Variants in PRKAR1A observed in about 807,000 individuals in gnomAD.
The protein encoded by PRKAR1A is protein kinase cAMP-dependent type I regulatory subunit alpha.
PRKAR1A carries 3 observed loss-of-function variants against 52.0 expected under a neutral mutation model. The observed-to-expected ratio is 0.06, with a 90% CI of 0.03 to 0.15. The LOEUF is 0.15. Among genes scored for constraint, PRKAR1A ranks in the 10% least tolerant of loss-of-function variants. The pLI is 1.00. For synonymous variants in PRKAR1A, 188 were observed against 168.4 expected (o/e 1.12, Z -0.90); for missense variants, 240 against 477.4 (o/e 0.50, Z 4.63).
the PRKAR1A span, among the ~76,000 whole-genome samples, chr17:68,491,770 C>A: frequency 1.3e-5 from 2 of 152,152 alleles, no homozygotes; most frequent in South Asian, 2.1e-4. Context: ...TCCCCTCCTC[C>A]CAAGTGGTGC....
chr17:68,540,046 C>T (rs1208965922), intron 11 of PRKAR1A: 38 of 1,234,700 alleles, frequency 3.1e-5, no homozygotes, highest in African/African-American at 7.4e-5. Context: ...CTCCAGGGAA[C>T]GGAGGCCTGT....
the PRKAR1A span, among the ~76,000 whole-genome samples, chr17:68,460,378 T>C: frequency 1.3e-5 from 2 of 152,216 alleles, no homozygotes; most frequent in African/African-American, 4.8e-5. Context: ...TTTTAGAAAC[T>C]AGATCTTCAG....
At chr17:68,441,613 C>T in the PRKAR1A span, among the ~76,000 whole-genome samples, 13 of 152,240 alleles carry the variant, frequency 8.5e-5, no homozygotes, top group Middle Eastern at 3.4e-3. Flanking sequence ...GTCACTGAAG[C>T]GCAGCTCTGA....
At chr17:68,426,424 G>A in the PRKAR1A span, among the ~76,000 whole-genome samples, 2 of 152,200 alleles carry the variant, frequency 1.3e-5, no homozygotes, top group South Asian at 4.1e-4. Flanking sequence ...GTTGAGGTAG[G>A]GTCTCAGTAT....
At chr17:68,521,668 T>G (rs1439759871) in intron 2 of PRKAR1A, among the ~76,000 whole-genome samples, 5 of 152,166 alleles carry the variant, frequency 3.3e-5, no homozygotes, top group Admixed American at 1.3e-4. Flanking sequence ...TTTTAAAAAG[T>G]AGGTTACATA....
At chr17:68,426,247 A>AG in the PRKAR1A span, 4,718 of 668,128 alleles carry the variant, frequency 7.1e-3, 318 homozygotes, top group African/African-American at 0.084. Flanking sequence ...GCGGGTGGGG[A>AG]GCGGGGGCTC....
chr17:68,444,900 C>G, the PRKAR1A span, among the ~76,000 whole-genome samples: 328 of 148,090 alleles, frequency 2.2e-3, 2 homozygotes, highest in Non-Finnish European at 3.8e-3. Context: ...TTCCTTAGAA[C>G]AGGGATCCTG....
the PRKAR1A span, among the ~76,000 whole-genome samples, chr17:68,498,082 G>T: frequency 6.6e-6 from 1 of 151,806 alleles, no homozygotes; most frequent in African/African-American, 2.4e-5. Flanking sequence ...AAGTAAAGGG[G>T]GGGTTAAGGG....
At chr17:68,483,844 A>G in the PRKAR1A span, among the ~76,000 whole-genome samples, 1 of 151,716 alleles carries the variant, frequency 6.6e-6, no homozygotes, top group African/African-American at 2.4e-5. Flanking sequence ...CTGGGTAACA[A>G]GAGCAAAACT....
chr17:68,429,917 G>A, the PRKAR1A span: 1 of 1,595,754 alleles, frequency 6.3e-7, no homozygotes, highest in Non-Finnish European at 8.5e-7. Context: ...TTTCTTTTCA[G>A]GTTTGGGGAT....
exon 12 of PRKAR1A, chr17:68,551,114 C>A: frequency 8.1e-7 from 1 of 1,234,300 alleles, no homozygotes; most frequent in Non-Finnish European, 1.0e-6. Context: ...AGGAGCATTC[C>A]CCTGGGCTAA....
chr17:68,529,929 G>T lies in PRKAR1A; in HGVS notation c.901G>T (p.Ala301Ser). 1 of 1,614,106 alleles carries T rather than the reference G, an allele frequency of 6.2e-7. No individual in the cohort carries two copies. The highest frequency in any genetic ancestry group is 1.1e-5 in the South Asian group (1 of 91,090). The change falls in exon 10 of 11, where the codon GCT becomes TCT. Residue 301 changes from alanine to serine, a missense_variant. By Grantham distance (99) the Ala-to-Ser change is moderately conservative. Around this residue, in one of 4 missense-constraint regions of PRKAR1A, gnomAD observed 107 missense variants for 290.9 expected, o/e 0.37. Coordinates refer to ENST00000589228, the MANE Select transcript of PRKAR1A (RefSeq NM_002734.5). ...GGTGATTTTATTATAGGGGTCAGCT[G>T]CTGTGCTACAACGTCGGTCAGAAAA... ...EFFIILEGSA[A>S]VLQRRSENEE... is the part of the protein sequence containing the mutation.
the PRKAR1A span, among the ~76,000 whole-genome samples, chr17:68,424,961 G>A: frequency 2.6e-5 from 4 of 152,252 alleles, no homozygotes; most frequent in Non-Finnish European, 5.9e-5. Flanking sequence ...AAGCTCACAA[G>A]AGCGGTCTAT....
chr17:68,549,376 C>G (rs769558520), intron 11 of PRKAR1A, among the ~76,000 whole-genome samples: 6 of 152,198 alleles, frequency 3.9e-5, no homozygotes, highest in African/African-American at 1.2e-4. Flanking sequence ...CATCTATAAT[C>G]CCAGCTACTT....
chr17:68,525,021 G>T, intron 6 of PRKAR1A, 63 bp downstream of exon 6: 3 of 1,330,928 alleles, frequency 2.3e-6, no homozygotes, highest in Non-Finnish European at 3.2e-6. Flanking sequence ...TCGCTTCCGA[G>T]CAATAAGAAT....
the PRKAR1A span, chr17:68,427,471 C>G: frequency 2.8e-6 from 1 of 351,722 alleles, no homozygotes; most frequent in African/African-American, 2.2e-5. Context: ...ATTCTCCTGC[C>G]TCAGCCTCCC....
chr17:68,466,573 G>A, the PRKAR1A span, among the ~76,000 whole-genome samples: 2 of 151,240 alleles, frequency 1.3e-5, no homozygotes, highest in Non-Finnish European at 2.9e-5. Context: ...CACCACACCT[G>A]GCTCATTTCT....
chr17:68,547,527 T>C (rs1375893666), intron 11 of PRKAR1A, among the ~76,000 whole-genome samples: 9 of 152,226 alleles, frequency 5.9e-5, no homozygotes, highest in Non-Finnish European at 1.0e-4. Context: ...CTGCAGCTTC[T>C]CCATCAGCAC....
chr17:68,545,196 A>G (rs528986012), intron 11 of PRKAR1A, among the ~76,000 whole-genome samples: 2 of 152,384 alleles, frequency 1.3e-5, no homozygotes, highest in East Asian at 3.9e-4. Flanking sequence ...AAAAATGTAG[A>G]TTACACTGTG....
Sources: gnomAD v4.1 joint callset for allele counts (sites outside exome capture counted in the v4.1 genomes callset) on GRCh38, gnomAD v4.1.1 for gene constraint, gnomAD v4.1.1 regional missense constraint, MANE v1.5 for transcripts, NCBI Gene and HGNC (gene_info 2026-07-23, HGNC 2026-07-21) for gene names.